ACACA: variants seen among roughly 807,000 people sequenced by gnomAD.
ACACA encodes acetyl-CoA carboxylase alpha.
In ACACA, 103 loss-of-function variants were observed where a neutral mutation model predicts 296.1. That is an observed-to-expected ratio of 0.35 (90% CI 0.30 to 0.41). The LOEUF is 0.41. ACACA is among the 10% of genes least tolerant of loss of function. The pLI, the probability that ACACA is intolerant of heterozygous loss-of-function variation, is 1.00. For missense variants in ACACA, 1,554 were observed against 2,989.7 expected (o/e 0.52, Z 11.20); for synonymous variants, 953 against 1,038.6 (o/e 0.92, Z 1.58).
rs1262431924 is a variant in ACACA at position 37,306,054 on chromosome 17, GC to G, written c.339-21085del. Among the ~76,000 whole-genome samples, 3 of 151,790 alleles carry G rather than the reference GC, an allele frequency of 2.0e-5. No individual in the cohort carries two copies. In the East Asian group the frequency reaches 5.8e-4, roughly 29 times the overall value. ...CTCCCGAGCAGCCGGGACTACAGGT[GC>G]CCGCCACCATGCCCGGCTAATTTTT... On this transcript the variant is annotated intron_variant, in intron 3 of 55. Coordinates refer to ENST00000616317, the MANE Select transcript of ACACA (RefSeq NM_198834.3).
At chr17:37,401,747 T>G (rs185685795) in intron 1 of ACACA, among the ~76,000 whole-genome samples, 4 of 151,770 alleles carry the variant, frequency 2.6e-5, no homozygotes, top group African/African-American at 9.7e-5. Flanking sequence ...TTTTGTAGAG[T>G]TGAACTCTCA....
chr17:37,213,678 T>C (rs563492615), intron 29 of ACACA, among the ~76,000 whole-genome samples: 2 of 152,170 alleles, frequency 1.3e-5, no homozygotes, highest in African/African-American at 2.4e-5. Context: ...CACATCAGTA[T>C]AGATTTTAGA....
At chr17:37,124,820 C>T (rs1034233251) in intron 48 of ACACA, among the ~76,000 whole-genome samples, 2 of 152,198 alleles carry the variant, frequency 1.3e-5, no homozygotes, top group East Asian at 1.9e-4. Context: ...AGCATGGAGG[C>T]GTGCTGACCT....
At chr17:37,196,599 T>G (rs1019095776) in intron 35 of ACACA, among the ~76,000 whole-genome samples, 126 of 151,902 alleles carry the variant, frequency 8.3e-4, no homozygotes, top group African/African-American at 2.8e-3. Context: ...AGCCAAACTT[T>G]GCTGAAAAAA....
intron 3 of ACACA, among the ~76,000 whole-genome samples, chr17:37,294,472 G>A (rs2083233949): frequency 6.6e-6 from 1 of 152,106 alleles, no homozygotes; most frequent in Non-Finnish European, 1.5e-5. Flanking sequence ...ATGTATAGAC[G>A]CACACAAACG....
chr17:37,339,821 G>T lies in ACACA; in HGVS notation c.68C>A (p.Thr23Lys). 7.2e-7 allele frequency: 1 copy of T among 1,390,416 alleles called. No homozygotes were observed. Among genetic ancestry groups the T allele is most frequent in the Non-Finnish European group, 1.0e-6 (1 of 984,916 alleles). The allele number at this position is 1,390,416 out of a possible 1,614,324, so 86.1% of individuals were successfully genotyped here. ...TAACTGACCTCTTATAATTCTTACT[G>T]TCTGAGTAGATATCCACTTCCAAAA... ...RSFWKWISTQ[T>K]VRIIRAVRAH... is the part of the protein sequence containing the mutation. Residue 23 changes from threonine to lysine, a missense_variant, in exon 2 of 56, where the codon ACA (threonine) becomes AAA (lysine). Thr to Lys is a moderately conservative substitution (Grantham distance 78). Coordinates refer to ENST00000616317, the MANE Select transcript of ACACA (RefSeq NM_198834.3).
At chr17:37,115,713 T>C (rs2074213578) in intron 50 of ACACA, among the ~76,000 whole-genome samples, 1 of 152,344 alleles carries the variant, frequency 6.6e-6, no homozygotes, top group East Asian at 1.9e-4. Flanking sequence ...GCAAACAGTT[T>C]CAAATGAAGA....
intron 41 of ACACA, among the ~76,000 whole-genome samples, chr17:37,174,021 T>TATATATATATATATATATATATATA (rs1491485396): frequency 3.5e-4 from 4 of 11,456 alleles, no homozygotes; most frequent in Non-Finnish European, 4.6e-4. Flanking sequence ...TATATATATA[T>TATATATATATATATATATATATATA]TTTTTTTTTT....
chr17:37,167,584 G>A (rs2076729071), intron 41 of ACACA, among the ~76,000 whole-genome samples: 1 of 151,630 alleles, frequency 6.6e-6, no homozygotes, highest in African/African-American at 2.4e-5. Flanking sequence ...CTCCCAAAGT[G>A]CTGGGATAGC....
chr17:37,382,846 G>A (rs188642105), intron 1 of ACACA, among the ~76,000 whole-genome samples: 4 of 152,130 alleles, frequency 2.6e-5, no homozygotes, highest in East Asian at 1.9e-4. Context: ...GCGACAGAGC[G>A]AGACTCTGTC....
intron 1 of ACACA, among the ~76,000 whole-genome samples, chr17:37,361,094 C>T (rs991811505): frequency 6.7e-6 from 1 of 149,862 alleles, no homozygotes; most frequent in Non-Finnish European, 1.5e-5. Flanking sequence ...GCTGGAGTGC[C>T]GTGGTGCAAT....
At chr17:37,210,439 AT>A in intron 30 of ACACA, 27 bp downstream of exon 30, 1 of 1,606,108 alleles carries the variant, frequency 6.2e-7, no homozygotes, top group Non-Finnish European at 8.5e-7. Flanking sequence ...GGTGCTTTTA[AT>A]TGGAAAAGAA....
chr17:37,141,195 G>T lies in ACACA; in HGVS notation c.5679+8669C>A, dbSNP rs1457195753. ...CCTTGAGAGAGGTCCCCACGAAAAAGTTAGTGATCTCAGATTCCTTGATGG... is the reference window on the plus strand; with the variant it reads ...CCTTGAGAGAGGTCCCCACGAAAAATTTAGTGATCTCAGATTCCTTGATGG... On this transcript the variant is annotated intron_variant, in intron 45 of 55. Transcript: ENST00000616317. 5.4e-6 allele frequency: 3 copies of T among 555,608 alleles called. No individual in the cohort carries two copies. The African/African-American group carries it at 5.6e-5, about 10-fold the overall frequency. 34.4% of individuals were successfully genotyped at this position (555,608 alleles called of 1,614,324 possible).
In ACACA at chr17:37,086,633, T is replaced by C. The variant is rs2072222081; in HGVS notation, c.*683A>G. On this transcript the variant is annotated 3_prime_UTR_variant, in exon 56 of 56. Coordinates refer to ENST00000616317, the MANE Select transcript of ACACA (RefSeq NM_198834.3). ...TGTCCTCAGAGACTGAACCCAAGGT[T>C]GAGGTCCCCTAAATCAAGAATAACT... is the stretch of plus-strand genomic sequence containing the variant. The C allele has an allele frequency of 6.5e-6, 1 of 153,636 alleles. No homozygotes were observed. Among genetic ancestry groups the C allele is most frequent in the African/African-American group, 2.4e-5 (1 of 41,474 alleles). The allele number at this position is 153,636 out of a possible 1,614,324, so 9.5% of individuals were successfully genotyped here.
At chr17:37,256,822 A>G (rs1010340493) in intron 14 of ACACA, among the ~76,000 whole-genome samples, 1 of 152,230 alleles carries the variant, frequency 6.6e-6, no homozygotes, top group Admixed American at 6.5e-5. Context: ...AGGATTAATT[A>G]CTAATAAACA....
Position 37,275,997 on chromosome 17 carries a change from T to C in ACACA, c.855A>G (p.Ile285Met). 6.2e-7 allele frequency: 1 copy of C among 1,614,198 alleles called. No individual in the cohort carries two copies. Residue 285 changes from isoleucine (I) to methionine (M), a missense_variant, in exon 8 of 56, where the codon ATA becomes ATG. Ile to Met is a conservative substitution (Grantham distance 10). Around this residue, in one of 16 missense-constraint regions of ACACA, gnomAD observed 47 missense variants for 55.4 expected, o/e 0.85. Coordinates refer to ENST00000616317, the MANE Select transcript of ACACA (RefSeq NM_198834.3). ...WALGDKIASSIVAQTAGIPTL... is the reference protein window; with the variant it reads ...WALGDKIASSMVAQTAGIPTL... ...TTGGGATACCTGCAGTTTGAGCCAC[T>C]ATGGAAGATGCAATCTTATCCCCTA...
At position 37,241,338 on chromosome 17, in the gene ACACA, C is replaced by T. The variant is rs74587415; in HGVS notation, c.3032+615G>A. 5.8e-3 allele frequency among the ~76,000 whole-genome samples: 877 copies of T among 152,078 alleles called. 5 individuals carry two copies. Among genetic ancestry groups the T allele is most frequent in the African/African-American group, 0.02 (833 of 41,488 alleles). On this transcript the variant is annotated intron_variant, in intron 23 of 55. Transcript: ENST00000616317. ...AAGAAGAAAAAATGTCATACTGGGC[C>T]CTGTGACAGAAGAAAAATTAGGAGC... is the stretch of plus-strand genomic sequence containing the variant.
In ACACA at chr17:37,221,850, A is replaced by C; in HGVS notation, c.3565-8T>G. ...AGCCCTTCGAACATACACCTGGTTC[A>C]AAAGAAACCCTCAGTAAATAAATTT... On this transcript the variant is annotated splice_region_variant and splice_polypyrimidine_tract_variant and intron_variant, in intron 28 of 55. Coordinates refer to ENST00000616317, the MANE Select transcript of ACACA (RefSeq NM_198834.3). 2 of 1,600,332 alleles carry C rather than the reference A, an allele frequency of 1.2e-6. No homozygotes were observed. Among genetic ancestry groups the C allele is most frequent in the Non-Finnish European group, 1.7e-6 (2 of 1,167,470 alleles).
intron 10 of ACACA, among the ~76,000 whole-genome samples, chr17:37,270,519 A>G (rs2082021880): frequency 6.6e-6 from 1 of 152,256 alleles, no homozygotes; most frequent in Admixed American, 6.5e-5. Flanking sequence ...ATAAGACAGA[A>G]TAACTCTACT....
Sources: allele counts gnomAD v4.1 joint callset (sites outside exome capture counted in the v4.1 genomes callset), GRCh38; gene constraint gnomAD v4.1.1; regional missense constraint gnomAD v4.1.1; transcripts MANE v1.5; gene names NCBI Gene and HGNC (gene_info 2026-07-23, HGNC 2026-07-21).